Variants in FTCDNL1 observed in about 807,000 individuals in gnomAD.
FTCDNL1 encodes formiminotransferase cyclodeaminase N-terminal like.
FTCDNL1 carries 11 observed loss-of-function variants against 5.9 expected under a neutral mutation model. The observed-to-expected ratio is 1.87, with a 90% CI of 1.18 to 3.10. The LOEUF is 3.10. FTCDNL1 is among the 30% of genes most tolerant of loss of function. FTCDNL1 has a pLI of 0.00. For missense variants in FTCDNL1, 115 were observed against 65.5 expected (o/e 1.76, Z -2.61); for synonymous variants, 58 against 24.8 (o/e 2.34, Z -3.99).
chr2:199,766,997 T>G (rs568638238), intron 3 of FTCDNL1, among the ~76,000 whole-genome samples: 22 of 152,156 alleles, frequency 1.4e-4, no homozygotes, highest in Non-Finnish European at 2.4e-4. Context: ...GGATTAGTAC[T>G]AAATATCGAG....
At chr2:199,758,655 A>G (rs1698152467), downstream of FTCDNL1, among the ~76,000 whole-genome samples, 1 of 152,194 alleles carries the variant, frequency 6.6e-6, no homozygotes. Flanking sequence ...AAGTCTATGC[A>G]TTGATACCCA....
the FTCDNL1 span, among the ~76,000 whole-genome samples, chr2:199,665,841 A>T: frequency 1.5e-4 from 23 of 152,194 alleles, no homozygotes; most frequent in Non-Finnish European, 3.1e-4. Flanking sequence ...ATCACAATCA[A>T]AAGAACTTTG....
At chr2:199,799,604 G>A (rs904166304) in intron 3 of FTCDNL1, among the ~76,000 whole-genome samples, 1 of 152,058 alleles carries the variant, frequency 6.6e-6, no homozygotes, top group African/African-American at 2.4e-5. Flanking sequence ...TTGAACACAG[G>A]TGCTCTCCCA....
At chr2:199,850,225 C>T (rs1056098093) in intron 1 of FTCDNL1, among the ~76,000 whole-genome samples, 9 of 152,104 alleles carry the variant, frequency 5.9e-5, no homozygotes, top group Non-Finnish European at 8.8e-5. Context: ...ATATTAATAA[C>T]ATTGTTGTAA....
chr2:199,706,290 G>A, the FTCDNL1 span, among the ~76,000 whole-genome samples: 2 of 152,128 alleles, frequency 1.3e-5, no homozygotes, highest in African/African-American at 2.4e-5. Flanking sequence ...CAGAGATGCA[G>A]GGATGGAAAC....
the FTCDNL1 span, among the ~76,000 whole-genome samples, chr2:199,707,526 C>T: frequency 6.6e-6 from 1 of 151,840 alleles, no homozygotes; most frequent in South Asian, 2.1e-4. Flanking sequence ...GATGCTTCCT[C>T]TTTCATTCCT....
chr2:199,823,316 T>G (rs982566284), intron 3 of FTCDNL1, among the ~76,000 whole-genome samples: 4 of 152,210 alleles, frequency 2.6e-5, no homozygotes, highest in African/African-American at 9.6e-5. Flanking sequence ...CTCCTCTTAA[T>G]GTTGATACTT....
In FTCDNL1 at chr2:199,812,609, C is replaced by T; in HGVS notation, c.*96G>A. 1 of 549,098 alleles carries T rather than the reference C, an allele frequency of 1.8e-6. No individual in the cohort carries two copies. The highest frequency in any genetic ancestry group is 2.5e-5 in the South Asian group (1 of 40,772). The allele number at this position is 549,098 out of a possible 1,614,324, so 34.0% of individuals were successfully genotyped here. On this transcript the variant is annotated 3_prime_UTR_variant, in exon 5 of 5. Coordinates refer to ENST00000420128, the MANE Select transcript of FTCDNL1 (RefSeq NM_001363886.2). Reference sequence around the variant, plus strand: ...TTTCTCAGTTTGCAGTTTCGCTCCACTCCCGCCTCCCGCAGATTGGCACTC... The same window carrying T: ...TTTCTCAGTTTGCAGTTTCGCTCCATTCCCGCCTCCCGCAGATTGGCACTC...
intron 3 of FTCDNL1, among the ~76,000 whole-genome samples, chr2:199,821,964 C>T (rs1158282341): frequency 1.3e-5 from 2 of 152,150 alleles, no homozygotes; most frequent in African/African-American, 2.4e-5. Context: ...AAGCAAATAT[C>T]GCTGGCAAAT....
At chr2:199,712,977 T>G in the FTCDNL1 span, among the ~76,000 whole-genome samples, 4 of 152,212 alleles carry the variant, frequency 2.6e-5, no homozygotes, top group African/African-American at 4.8e-5. Flanking sequence ...GTATCTTTTT[T>G]GGGGACACAA....
At chr2:199,726,944 T>A in the FTCDNL1 span, among the ~76,000 whole-genome samples, 1 of 152,206 alleles carries the variant, frequency 6.6e-6, no homozygotes, top group Non-Finnish European at 1.5e-5. Context: ...ACAGATGGGA[T>A]GCACTGTGCT....
the FTCDNL1 span, among the ~76,000 whole-genome samples, chr2:199,677,450 T>C: frequency 1.3e-5 from 2 of 152,130 alleles, no homozygotes; most frequent in Admixed American, 1.3e-4. Flanking sequence ...ATATAAGATG[T>C]TGAGTTTTGG....
rs141974904 is a variant in FTCDNL1, at chr2:199,824,310, T to C, written c.212-4553A>G. On this transcript the variant is annotated intron_variant, in intron 3 of 4. Transcript: ENST00000420128. ...GTCAGCTCTCTCACCCTTCACAGAA[T>C]AGAGGAAGAATTACAGCCTTTCTTT... 2.6e-5 allele frequency among the ~76,000 whole-genome samples: 4 copies of C among 152,350 alleles called. No homozygotes were observed. In the East Asian group the frequency reaches 5.8e-4, roughly 22 times the overall value.
chr2:199,729,521 A>C, the FTCDNL1 span, among the ~76,000 whole-genome samples: 2 of 151,930 alleles, frequency 1.3e-5, no homozygotes, highest in African/African-American at 4.8e-5. Flanking sequence ...ATTCAAAATC[A>C]ATGTGCAAAA....
the FTCDNL1 span, among the ~76,000 whole-genome samples, chr2:199,676,733 C>G: frequency 6.6e-6 from 1 of 152,088 alleles, no homozygotes; most frequent in African/African-American, 2.4e-5. Context: ...TTAGTGATCA[C>G]ATATATCATT....
the FTCDNL1 span, among the ~76,000 whole-genome samples, chr2:199,674,480 C>T: frequency 1.3e-5 from 2 of 152,136 alleles, no homozygotes; most frequent in Non-Finnish European, 1.5e-5. Flanking sequence ...CACACTATTT[C>T]CAAATAAGTA....
chr2:199,738,103 G>A, the FTCDNL1 span, among the ~76,000 whole-genome samples: 3 of 152,276 alleles, frequency 2.0e-5, no homozygotes, highest in East Asian at 5.8e-4. Flanking sequence ...TTCCATAGAT[G>A]TCTGCTCATT....
intron 3 of FTCDNL1, among the ~76,000 whole-genome samples, chr2:199,786,005 C>T (rs867868958): frequency 5.3e-5 from 8 of 152,136 alleles, no homozygotes; most frequent in South Asian, 2.1e-4. Context: ...CAATAGAGTT[C>T]GTGCTCCTAT....
chr2:199,760,786 A>T (rs1698232035), exon 4 of FTCDNL1: 1 of 702,370 alleles, frequency 1.4e-6, no homozygotes, highest in Non-Finnish European at 2.6e-6. Flanking sequence ...TGGTTCCTGG[A>T]TGTCGACCTC....
Sources: allele counts gnomAD v4.1 joint callset (sites outside exome capture counted in the v4.1 genomes callset), GRCh38; gene constraint gnomAD v4.1.1; transcripts MANE v1.5; gene names NCBI Gene and HGNC (gene_info 2026-07-23, HGNC 2026-07-21).